The following MDGA2 variants were observed in gnomAD, a reference collection of about 807,000 sequenced individuals.
The protein encoded by MDGA2 is MAM domain containing glycosylphosphatidylinositol anchor 2.
A neutral mutation model predicts 117.8 loss-of-function variants in MDGA2; 40 were observed. That is an observed-to-expected ratio of 0.34 (90% CI 0.26 to 0.44). MDGA2 has a LOEUF of 0.44. Ranked by LOEUF, MDGA2 falls within the 20% of genes least tolerant of loss-of-function variation. The pLI, the probability that MDGA2 is intolerant of heterozygous loss-of-function variation, is 1.00. For missense variants in MDGA2, 1,123 were observed against 1,250.6 expected (o/e 0.90, Z 1.54); for synonymous variants, 452 against 439.0 (o/e 1.03, Z -0.37).
chr14:46,849,462 C>G (rs1328559475), intron 15 of MDGA2, among the ~76,000 whole-genome samples: 1 of 151,794 alleles, frequency 6.6e-6, no homozygotes, highest in Non-Finnish European at 1.5e-5. Context: ...CAAACAGATT[C>G]ATAAATGACT....
intron 2 of MDGA2, among the ~76,000 whole-genome samples, chr14:47,296,540 A>T (rs998496079): frequency 2.0e-5 from 3 of 152,224 alleles, no homozygotes; most frequent in African/African-American, 7.2e-5. Context: ...ATGTGGGAAA[A>T]TGTTCAAATT....
rs190717919 is a variant in MDGA2 at position 47,215,342 on chromosome 14, A to G, written c.595+2679T>C. ...AGAGCACAAATAAATCTTAAGGATT[A>G]TAATTCAATTTTAGACACCAGCATT... On this transcript the variant is annotated intron_variant, in intron 3 of 16. Transcript: ENST00000399232. Among the ~76,000 whole-genome samples the G allele has an allele frequency of 9.8e-5, 15 of 152,288 alleles. No homozygotes were observed. The East Asian group carries it at 2.9e-3, about 29-fold the overall frequency.
At chr14:47,494,913 T>C (rs1894248636) in intron 1 of MDGA2, among the ~76,000 whole-genome samples, 1 of 149,532 alleles carries the variant, frequency 6.7e-6, no homozygotes. Context: ...ATATTGTGTA[T>C]ATGTGTATAT....
chr14:47,337,782 A>G (rs1300678093), intron 1 of MDGA2, among the ~76,000 whole-genome samples: 1 of 152,078 alleles, frequency 6.6e-6, no homozygotes, highest in Non-Finnish European at 1.5e-5. Flanking sequence ...AGAATTATAC[A>G]GTATTCAATA....
In MDGA2 at chr14:47,582,731, A is replaced by G. The variant is rs149546671; in HGVS notation, c.280+91786T>C. Among the ~76,000 whole-genome samples, 14 of 152,042 alleles carry G rather than the reference A, an allele frequency of 9.2e-5. No individual in the cohort carries two copies. In the East Asian group the frequency reaches 2.5e-3, roughly 27 times the overall value. On this transcript the variant is annotated intron_variant, in intron 1 of 16. Coordinates refer to ENST00000399232, the MANE Select transcript of MDGA2 (RefSeq NM_001113498.3). ...GTGCTACATAACCATTATTCTACCCAGATAAATCAATCAAAGGAAGCAGCA... is the reference window on the plus strand; with the variant it reads ...GTGCTACATAACCATTATTCTACCCGGATAAATCAATCAAAGGAAGCAGCA...
chr14:47,616,681 C>T (rs141033963), intron 1 of MDGA2, among the ~76,000 whole-genome samples: 87 of 152,206 alleles, frequency 5.7e-4, no homozygotes, highest in African/African-American at 2.0e-3. Flanking sequence ...CTAAAGTTTG[C>T]ACCTAAGAAA....
intron 10 of MDGA2, among the ~76,000 whole-genome samples, chr14:46,919,708 T>C (rs1205322976): frequency 6.6e-6 from 1 of 152,188 alleles, no homozygotes; most frequent in African/African-American, 2.4e-5. Context: ...TATGAAGTTA[T>C]ACCATGTAAT....
At chr14:47,335,914 C>T (rs1029599223) in intron 1 of MDGA2, among the ~76,000 whole-genome samples, 1 of 150,974 alleles carries the variant, frequency 6.6e-6, no homozygotes, top group Non-Finnish European at 1.5e-5. Context: ...AGGAGAGCTA[C>T]ATTTGTGGGT....
At chr14:47,269,111 T>A (rs185790809) in intron 2 of MDGA2, among the ~76,000 whole-genome samples, 22 of 152,248 alleles carry the variant, frequency 1.4e-4, no homozygotes, top group African/African-American at 4.8e-4. Flanking sequence ...TAGTTAGGTT[T>A]AGCTGAGGGA....
At chr14:47,041,936 A>G (rs1027835186) in intron 7 of MDGA2, among the ~76,000 whole-genome samples, 4 of 152,096 alleles carry the variant, frequency 2.6e-5, no homozygotes, top group Non-Finnish European at 5.9e-5. Context: ...AATAGTAGAT[A>G]TTGAAACAAA....
At chr14:47,376,971 A>T (rs1321228098) in intron 1 of MDGA2, among the ~76,000 whole-genome samples, 1 of 152,206 alleles carries the variant, frequency 6.6e-6, no homozygotes, top group Non-Finnish European at 1.5e-5. Context: ...TATAGAAAAA[A>T]TAAAGAACTT....
intron 1 of MDGA2, among the ~76,000 whole-genome samples, chr14:47,669,727 T>C (rs546920750): frequency 1.3e-5 from 2 of 152,076 alleles, no homozygotes; most frequent in Admixed American, 6.5e-5. Context: ...TGGTATGTAA[T>C]AGAGCTTCAC....
At chr14:47,274,530 T>C (rs960018072) in intron 2 of MDGA2, among the ~76,000 whole-genome samples, 9 of 152,188 alleles carry the variant, frequency 5.9e-5, no homozygotes, top group Non-Finnish European at 1.2e-4. Flanking sequence ...AGCACTGTTG[T>C]ATGAACATTT....
intron 9 of MDGA2, among the ~76,000 whole-genome samples, chr14:46,926,402 C>T (rs368499400): frequency 6.9e-6 from 1 of 145,062 alleles, no homozygotes; most frequent in African/African-American, 2.5e-5. Context: ...TGAACTTAAA[C>T]GCCAATGATG....
intron 6 of MDGA2, among the ~76,000 whole-genome samples, chr14:47,069,010 T>C (rs1890183127): frequency 6.6e-6 from 1 of 152,152 alleles, no homozygotes; most frequent in African/African-American, 2.4e-5. Flanking sequence ...AATATCAGTA[T>C]TTCCTCTTCC....
intron 3 of MDGA2, among the ~76,000 whole-genome samples, chr14:47,199,744 C>G (rs980699981): frequency 6.6e-6 from 1 of 152,114 alleles, no homozygotes; most frequent in African/African-American, 2.4e-5. Flanking sequence ...GTTTCTTCCT[C>G]CACTATTTTT....
At chr14:47,093,245 A>T (rs1879772660) in intron 6 of MDGA2, among the ~76,000 whole-genome samples, 1 of 152,106 alleles carries the variant, frequency 6.6e-6, no homozygotes, top group Non-Finnish European at 1.5e-5. Flanking sequence ...TGGACCATGC[A>T]TCCAAAACAC....
intron 1 of MDGA2, among the ~76,000 whole-genome samples, chr14:47,405,930 T>C (rs1051352920): frequency 1.1e-4 from 17 of 152,166 alleles, no homozygotes; most frequent in African/African-American, 3.4e-4. Flanking sequence ...AGAGAAACAA[T>C]TGAAAACCTT....
chr14:46,913,421 A>C (rs1883780415), intron 10 of MDGA2, among the ~76,000 whole-genome samples: 1 of 152,150 alleles, frequency 6.6e-6, no homozygotes, highest in South Asian at 2.1e-4. Flanking sequence ...TCTTGCAATA[A>C]AATCTATCTA....
Sources: gnomAD v4.1 joint callset for allele counts (sites outside exome capture counted in the v4.1 genomes callset) on GRCh38, gnomAD v4.1.1 for gene constraint, MANE v1.5 for transcripts, NCBI Gene and HGNC (gene_info 2026-07-23, HGNC 2026-07-21) for gene names.